The following WASF2 variants were observed in gnomAD, a reference collection of about 807,000 sequenced individuals.
WASF2 encodes the protein WASP family member 2, also known as actin-binding protein WASF2.
Under a neutral mutation model 45.0 loss-of-function variants are expected in WASF2, and 14 were observed. That is an observed-to-expected ratio of 0.31 (90% confidence interval 0.21 to 0.49). The LOEUF (loss-of-function observed/expected upper bound fraction) is 0.49. Ranked by LOEUF, WASF2 falls within the 20% of genes least tolerant of loss-of-function variation. The pLI, the probability that WASF2 is intolerant of heterozygous loss-of-function variation, is 0.99. For synonymous variants in WASF2, 200 were observed against 236.3 expected, an observed-to-expected ratio of 0.85 and a Z score of 1.41; for missense variants, 439 against 636.1, an observed-to-expected ratio of 0.69 and a Z score of 3.33.
At chr1:27,429,054 A>G (rs2017026588) in intron 1 of WASF2, 121 bp from the exon 2 acceptor site, 2 of 865,712 alleles carry the variant, frequency 2.3e-6, no homozygotes, top group Non-Finnish European at 3.4e-6. Context: ...TTTAAAAAAA[A>G]TCTTCATTCT....
In WASF2 at chr1:27,433,257, A is replaced by G. The variant is rs7548735; in HGVS notation, c.-43-4324T>C. Among the ~76,000 whole-genome samples, 627 of 152,304 alleles carry G rather than the reference A, an allele frequency of 4.1e-3. 4 individuals are homozygous for G. The highest frequency in any genetic ancestry group is 0.014 in the African/African-American group (589 of 41,568). On this transcript the variant is annotated intron_variant, in intron 1 of 8. Coordinates refer to ENST00000618852, the MANE Select transcript of WASF2 (RefSeq NM_006990.5). ...TACTATCTCTTTCTTCCAGTCTTTC[A>G]TAACTGGATTCCTCATCTGAACCAC...
intron 1 of WASF2, among the ~76,000 whole-genome samples, chr1:27,446,322 AG>A (rs2017309462): frequency 2.0e-5 from 3 of 152,302 alleles, no homozygotes; most frequent in Middle Eastern, 3.4e-3. Context: ...GACCGCAAAG[AG>A]GGGCAATTAA....
At chr1:27,481,447 C>T (rs1571168246) in intron 1 of WASF2, among the ~76,000 whole-genome samples, 2 of 152,162 alleles carry the variant, frequency 1.3e-5, no homozygotes, top group African/African-American at 4.8e-5. Context: ...GCCTGTAATC[C>T]CAGCACTTTG....
In WASF2 at chr1:27,490,071, C is replaced by T. The variant is rs2018012749; in HGVS notation, c.-129G>A. On this transcript the variant is annotated 5_prime_UTR_variant, in exon 1 of 9. Coordinates refer to ENST00000618852, the MANE Select transcript of WASF2 (RefSeq NM_006990.5). ...CAGAGTGTGCTCCCGCGGACCGCCTCGCGGGCTGCCAAACGGCCGGACCCC... is the reference window on the plus strand; with the variant it reads ...CAGAGTGTGCTCCCGCGGACCGCCTTGCGGGCTGCCAAACGGCCGGACCCC... The T allele has an allele frequency of 6.6e-6, 1 of 152,270 alleles. No homozygotes were observed. Among genetic ancestry groups the T allele is most frequent in the African/African-American group, 2.4e-5 (1 of 41,464 alleles). 9.4% of individuals were successfully genotyped at this position (152,270 alleles called of 1,614,324 possible). A position where few individuals can be genotyped will look rare whatever the true frequency, so the allele number is the denominator to read the frequency against.
Position 27,464,954 on chromosome 1 carries a change from C to T in WASF2, c.-44+25032G>A, listed in dbSNP as rs554664652. Among the ~76,000 whole-genome samples the T allele has an allele frequency of 1.5e-3, 227 of 152,318 alleles. 1 individual carries two copies. Among genetic ancestry groups the T allele is most frequent in the African/African-American group, 5.0e-3 (208 of 41,574 alleles). The stretch of plus-strand genomic sequence containing the variant: ...ATGTTGGCCAGGCTGGTCTTGAACT[C>T]CTGACTTTGTGATCCACCCGCCTTG... On this transcript the variant is annotated intron_variant, in intron 1 of 8. Coordinates refer to ENST00000618852, the MANE Select transcript of WASF2 (RefSeq NM_006990.5).
intron 1 of WASF2, among the ~76,000 whole-genome samples, chr1:27,458,470 T>C (rs2017502664): frequency 6.6e-6 from 1 of 152,060 alleles, no homozygotes; most frequent in Admixed American, 6.6e-5. Context: ...CAAATATTTG[T>C]AGTTTTCCTC....
At chr1:27,448,620 G>A (rs2017341078) in intron 1 of WASF2, among the ~76,000 whole-genome samples, 1 of 152,058 alleles carries the variant, frequency 6.6e-6, no homozygotes. Context: ...GGAGGCCGAG[G>A]TGGGTGGATC....
Position 27,408,016 on chromosome 1 carries a change from A to C in WASF2, c.*173T>G. The C allele has an allele frequency of 1.5e-6, 1 of 689,152 alleles. No individual in the cohort carries two copies. The highest frequency in any genetic ancestry group is 3.4e-5 in the Admixed American group (1 of 29,214). 42.7% of individuals were successfully genotyped at this position (689,152 alleles called of 1,614,324 possible). On this transcript the variant is annotated 3_prime_UTR_variant, in exon 9 of 9. Coordinates refer to ENST00000618852, the MANE Select transcript of WASF2 (RefSeq NM_006990.5). ...GCCTGAAAATGGGGAGAGGAAATAC[A>C]TGTTGACTTGGAGGAAGCACTTGGA...
At position 27,420,015 on chromosome 1, in the gene WASF2, A is replaced by C. The variant is rs552394956; in HGVS notation, c.131-927T>G. 5.9e-4 allele frequency among the ~76,000 whole-genome samples: 89 copies of C among 151,818 alleles called. 2 individuals carry two copies. The South Asian group carries it at 0.012, about 21-fold the overall frequency. On this transcript the variant is annotated intron_variant, in intron 2 of 8. Coordinates refer to ENST00000618852, the MANE Select transcript of WASF2 (RefSeq NM_006990.5). ...CATCTCCTGGGCTCAAGCGATTCTC[A>C]TGTATTAGCCTCCCGAGTAACTGGG...
chr1:27,412,778 T>A, intron 6 of WASF2, 51 bp from the exon 7 acceptor site: 1 of 1,605,176 alleles, frequency 6.2e-7, no homozygotes, highest in Non-Finnish European at 8.5e-7. Context: ...CCTGAGTGGG[T>A]TTTTTCTTCT....
chr1:27,445,514 C>G (rs2017299000), intron 1 of WASF2, among the ~76,000 whole-genome samples: 1 of 152,182 alleles, frequency 6.6e-6, no homozygotes, highest in Non-Finnish European at 1.5e-5. Context: ...AGACTGCATG[C>G]TAACACAAGA....
chr1:27,445,681 TA>T, intron 1 of WASF2, among the ~76,000 whole-genome samples: 1 of 152,294 alleles, frequency 6.6e-6, no homozygotes, highest in East Asian at 1.9e-4. Context: ...CAGCCTCAGA[TA>T]ACATGTGCAG....
intron 1 of WASF2, among the ~76,000 whole-genome samples, chr1:27,438,454 A>C (rs2017166513): frequency 6.6e-6 from 1 of 152,206 alleles, no homozygotes; most frequent in Non-Finnish European, 1.5e-5. Context: ...CATTTGTTTT[A>C]ATTGTTATGA....
chr1:27,476,295 G>C (rs1243223260), intron 1 of WASF2, among the ~76,000 whole-genome samples: 2 of 152,178 alleles, frequency 1.3e-5, no homozygotes, highest in Non-Finnish European at 2.9e-5. Context: ...CAGTTCTGCA[G>C]GCTGTACAGG....
intron 1 of WASF2, among the ~76,000 whole-genome samples, chr1:27,468,551 G>A (rs1373652394): frequency 6.6e-6 from 1 of 151,574 alleles, no homozygotes; most frequent in Non-Finnish European, 1.5e-5. Context: ...TGAGGTAGGA[G>A]AATCATTTGA....
chr1:27,433,809 C>T (rs775314535), intron 1 of WASF2, among the ~76,000 whole-genome samples: 1 of 152,074 alleles, frequency 6.6e-6, no homozygotes, highest in South Asian at 2.1e-4. Flanking sequence ...TTATCAAAAG[C>T]GTCAGAAAAG....
At position 27,405,422 on chromosome 1, in the gene WASF2, G is replaced by A. The variant is rs921429412; in HGVS notation, c.*2767C>T. 6.6e-6 allele frequency: 1 copy of A among 152,266 alleles called. No individual in the cohort carries two copies. Among genetic ancestry groups the A allele is most frequent in the East Asian group, 1.9e-4 (1 of 5,196 alleles). The allele number at this position is 152,266 out of a possible 1,614,324, so 9.4% of individuals were successfully genotyped here. On this transcript the variant is annotated 3_prime_UTR_variant, in exon 9 of 9. Transcript: ENST00000618852. ...TGGGCGGGGTGAACCAGGAAGGGAG[G>A]AGGCTCCTTGGCTTCGGCGCTTAGG...
chr1:27,415,511 T>C (rs1218926478), intron 5 of WASF2, among the ~76,000 whole-genome samples: 7 of 152,182 alleles, frequency 4.6e-5, no homozygotes, highest in Non-Finnish European at 1.0e-4. Context: ...GAAGAGTCTA[T>C]GGGGAGGGAG....
intron 1 of WASF2, among the ~76,000 whole-genome samples, chr1:27,434,285 TAC>T (rs2017103333): frequency 6.6e-6 from 1 of 152,242 alleles, no homozygotes; most frequent in Non-Finnish European, 1.5e-5. Flanking sequence ...AGATGACCTC[TAC>T]AATGCCTTCT....
Sources: gnomAD v4.1 joint callset for allele counts (sites outside exome capture counted in the v4.1 genomes callset) on GRCh38, gnomAD v4.1.1 for gene constraint, MANE v1.5 for transcripts, NCBI Gene and HGNC (gene_info 2026-07-23, HGNC 2026-07-21) for gene names.